The following BCAS1 variants were observed in gnomAD, a reference collection of about 807,000 sequenced individuals.
BCAS1 encodes the protein breast carcinoma-amplified sequence 1.
Under a neutral mutation model 65.4 loss-of-function variants are expected in BCAS1, and 46 were observed. The ratio of observed to expected loss-of-function variants is 0.70; its 90% CI spans 0.55 to 0.90. The LOEUF (loss-of-function observed/expected upper bound fraction) is 0.90, where lower values mean the gene tolerates loss of function less well. BCAS1 is among the 40% of genes least tolerant of loss of function. The pLI is 0.00. For synonymous variants in BCAS1, 298 were observed against 293.5 expected (o/e 1.02, Z -0.16); for missense variants, 793 against 771.2 (o/e 1.03, Z -0.33).
chr20:54,009,434 G>C (rs1036971765), intron 4 of BCAS1, among the ~76,000 whole-genome samples: 1 of 152,048 alleles, frequency 6.6e-6, no homozygotes, highest in African/African-American at 2.4e-5. Context: ...ATAGGAGAAT[G>C]CCATAACCAA....
At chr20:54,028,086 C>T (rs531562848) in intron 4 of BCAS1, among the ~76,000 whole-genome samples, 10 of 152,164 alleles carry the variant, frequency 6.6e-5, no homozygotes, top group Non-Finnish European at 1.2e-4. Context: ...ATCCACTGAT[C>T]GTAAACGCAA....
intron 3 of BCAS1, among the ~76,000 whole-genome samples, chr20:54,048,362 C>T (rs1291920936): frequency 6.6e-6 from 1 of 152,132 alleles, no homozygotes; most frequent in South Asian, 2.1e-4. Flanking sequence ...TATTATTATT[C>T]ACTTGCATCT....
intron 4 of BCAS1, among the ~76,000 whole-genome samples, chr20:54,003,737 G>C (rs894249238): frequency 4.6e-5 from 7 of 152,250 alleles, no homozygotes; most frequent in Non-Finnish European, 1.0e-4. Flanking sequence ...CTCATGAGCA[G>C]CTGAAGCTTC....
chr20:53,953,311 G>A (rs988776497), intron 12 of BCAS1, 121 bp downstream of exon 12: 2 of 1,271,310 alleles, frequency 1.6e-6, no homozygotes, highest in Non-Finnish European at 2.2e-6. Context: ...CAAAAACCCT[G>A]AGTGATAGAC....
chr20:53,973,954 T>G (rs1369391409), intron 9 of BCAS1, among the ~76,000 whole-genome samples: 1 of 152,128 alleles, frequency 6.6e-6, no homozygotes, highest in Non-Finnish European at 1.5e-5. Context: ...CAGCACTCTG[T>G]AAAAATGCAC....
At chr20:54,005,303 A>AAAAACAAAAC (rs71196438) in intron 4 of BCAS1, among the ~76,000 whole-genome samples, 7,543 of 148,350 alleles carry the variant, frequency 0.051, 467 homozygotes, top group East Asian at 0.29. Context: ...GAAACAAAGC[A>AAAAACAAAAC]AAAACAAAAC....
intron 2 of BCAS1, 54 bp downstream of exon 2, chr20:54,058,593 C>CTTTTTTTTT (rs3043223): frequency 5.4e-5 from 66 of 1,224,750 alleles, no homozygotes; most frequent in South Asian, 2.0e-4. Flanking sequence ...ACAGGAAGTT[C>CTTTTTTTTT]TTTTTTTTTT....
At chr20:54,045,109 G>T (rs2092076552) in intron 3 of BCAS1, among the ~76,000 whole-genome samples, 1 of 151,956 alleles carries the variant, frequency 6.6e-6, no homozygotes, top group Admixed American at 6.6e-5. Flanking sequence ...CTACACAGGA[G>T]GCTGAGGCAA....
At chr20:54,012,248 T>G (rs1028533313) in intron 4 of BCAS1, among the ~76,000 whole-genome samples, 1 of 152,000 alleles carries the variant, frequency 6.6e-6, no homozygotes, top group Non-Finnish European at 1.5e-5. Flanking sequence ...AAGAAAAGGA[T>G]GGGGGTGAGA....
intron 3 of BCAS1, among the ~76,000 whole-genome samples, chr20:54,051,014 G>A (rs968028618): frequency 6.6e-6 from 1 of 152,102 alleles, no homozygotes; most frequent in Non-Finnish European, 1.5e-5. Context: ...TCTAGGCTTA[G>A]GCTTTCTCTT....
At chr20:54,065,182 A>C (rs2092423746) in intron 1 of BCAS1, among the ~76,000 whole-genome samples, 1 of 86,610 alleles carries the variant, frequency 1.2e-5, no homozygotes, top group Non-Finnish European at 2.3e-5. Context: ...TTATCTATCT[A>C]TCTCACACAC....
intron 3 of BCAS1, among the ~76,000 whole-genome samples, chr20:54,046,129 G>T (rs780599750): frequency 6.6e-6 from 1 of 152,112 alleles, no homozygotes; most frequent in Non-Finnish European, 1.5e-5. Context: ...AAAATACAAA[G>T]AATTAAAATG....
At chr20:53,977,479 C>T (rs1237923563) in intron 8 of BCAS1, among the ~76,000 whole-genome samples, 2 of 152,156 alleles carry the variant, frequency 1.3e-5, no homozygotes, top group Non-Finnish European at 2.9e-5. Context: ...TTAAGAACAG[C>T]ACTTCTAGGT....
At chr20:54,043,581 C>G (rs290387) in intron 3 of BCAS1, among the ~76,000 whole-genome samples, 89,160 of 152,026 alleles carry the variant, frequency 0.59, 26,305 homozygotes, top group South Asian at 0.62. Context: ...TAAACAAGGA[C>G]GCTTTCCAGT....
intron 4 of BCAS1, among the ~76,000 whole-genome samples, chr20:54,015,454 A>C (rs1007421461): frequency 2.0e-5 from 3 of 152,158 alleles, no homozygotes; most frequent in African/African-American, 7.2e-5. Context: ...CCCAATTCAC[A>C]TCAACTGATA....
chr20:54,027,018 A>G (rs2091687422), intron 4 of BCAS1, among the ~76,000 whole-genome samples: 1 of 142,956 alleles, frequency 7.0e-6, no homozygotes, highest in Non-Finnish European at 1.5e-5. Flanking sequence ...TGTCACACTC[A>G]GTAAAGAGCA....
At chr20:54,050,485 C>A (rs2092191727) in intron 3 of BCAS1, among the ~76,000 whole-genome samples, 1 of 152,246 alleles carries the variant, frequency 6.6e-6, no homozygotes, top group East Asian at 1.9e-4. Flanking sequence ...TGGTATTAAT[C>A]CCAAGAGGGC....
At chr20:53,972,716 T>C (rs79142563) in intron 9 of BCAS1, among the ~76,000 whole-genome samples, 2,814 of 152,324 alleles carry the variant, frequency 0.018, 30 homozygotes, top group Non-Finnish European at 0.024. Context: ...AGTTTGCTGA[T>C]CCCTAAAATT....
intron 12 of BCAS1, among the ~76,000 whole-genome samples, chr20:53,950,365 C>A (rs1047080655): frequency 2.0e-5 from 3 of 152,156 alleles, no homozygotes; most frequent in African/African-American, 7.2e-5. Context: ...GCACCTTTAA[C>A]CTTTCCTGTC....
Sources: gnomAD v4.1 joint callset for allele counts (sites outside exome capture counted in the v4.1 genomes callset) on GRCh38, gnomAD v4.1.1 for gene constraint, MANE v1.5 for transcripts, NCBI Gene and HGNC (gene_info 2026-07-23, HGNC 2026-07-21) for gene names.